Variants in CDH12 observed in about 807,000 individuals in gnomAD.
The protein encoded by CDH12 is cadherin 12.
CDH12 carries 41 observed loss-of-function variants against 74.1 expected under a neutral mutation model. The ratio of observed to expected loss-of-function variants is 0.55; its 90% confidence interval spans 0.43 to 0.72. CDH12 has a LOEUF of 0.72. Ranked by LOEUF, CDH12 falls within the 30% of genes least tolerant of loss-of-function variation. CDH12 has a pLI of 0.00. For missense variants in CDH12, 945 were observed against 977.2 expected (o/e 0.97, Z 0.44); for synonymous variants, 399 against 355.0 (o/e 1.12, Z -1.39).
chr5:21,944,636 G>T (rs1417779826), intron 6 of CDH12, among the ~76,000 whole-genome samples: 5 of 152,236 alleles, frequency 3.3e-5, no homozygotes, highest in Admixed American at 2.6e-4. Flanking sequence ...TTATAATAGG[G>T]TCTTTAATGA....
intron 5 of CDH12, among the ~76,000 whole-genome samples, chr5:22,020,356 C>T (rs1300902077): frequency 1.3e-5 from 2 of 151,956 alleles, no homozygotes; most frequent in African/African-American, 4.8e-5. Context: ...GAGTTCAAGA[C>T]CAGCCTGGCT....
At position 22,612,658 on chromosome 5, in the gene CDH12, G is replaced by C. The variant is rs150751813; in HGVS notation, c.-522-107294C>G. Among the ~76,000 whole-genome samples, 223 of 152,094 alleles carry C rather than the reference G, an allele frequency of 1.5e-3. 1 individual carries two copies. Among genetic ancestry groups the C allele is most frequent in the Non-Finnish European group, 2.4e-3 (163 of 67,954 alleles). On this transcript the variant is annotated intron_variant, in intron 1 of 14. Transcript: ENST00000382254. The stretch of plus-strand genomic sequence containing the variant: ...GAATGTCAATGTGATGCATCATTTG[G>C]TATTTAAATTGACAGTTAACTCAGT...
At chr5:22,227,462 A>AT (rs1339648815) in intron 3 of CDH12, among the ~76,000 whole-genome samples, 3 of 152,054 alleles carry the variant, frequency 2.0e-5, no homozygotes, top group African/African-American at 7.2e-5. Flanking sequence ...AATTTGTTTG[A>AT]TTTTTTCAGG....
intron 4 of CDH12, among the ~76,000 whole-genome samples, chr5:22,211,036 C>T (rs1235518691): frequency 6.6e-6 from 1 of 152,158 alleles, no homozygotes; most frequent in Non-Finnish European, 1.5e-5. Flanking sequence ...CCTTTGGGAA[C>T]CTTGAAAATA....
At chr5:22,029,564 T>TACCA (rs1302883371) in intron 5 of CDH12, among the ~76,000 whole-genome samples, 3 of 152,034 alleles carry the variant, frequency 2.0e-5, no homozygotes, top group Non-Finnish European at 4.4e-5. Flanking sequence ...CACAATGAGA[T>TACCA]ACCATCTCAC....
intron 5 of CDH12, among the ~76,000 whole-genome samples, chr5:22,060,572 T>G (rs1009806723): frequency 1.3e-5 from 2 of 152,070 alleles, no homozygotes; most frequent in Non-Finnish European, 2.9e-5. Context: ...AGGAAGATAT[T>G]TAAATGATTT....
At position 21,909,498 on chromosome 5, in the gene CDH12, C is replaced by T. The variant is rs564009278; in HGVS notation, c.527-54708G>A. On this transcript the variant is annotated intron_variant, in intron 6 of 14. Coordinates refer to ENST00000382254, the MANE Select transcript of CDH12 (RefSeq NM_004061.5). ...AAATGTAACGAGTTGTCACATATTA[C>T]AATTAGGATTAAAAAAATGAATAGG... 3.7e-4 allele frequency among the ~76,000 whole-genome samples: 57 copies of T among 152,144 alleles called. 1 individual carries two copies. The East Asian group carries it at 8.1e-3, about 22-fold the overall frequency.
chr5:22,774,491 G>T (rs548468046), intron 1 of CDH12, among the ~76,000 whole-genome samples: 1 of 152,160 alleles, frequency 6.6e-6, no homozygotes, highest in Non-Finnish European at 1.5e-5. Flanking sequence ...CATGTGTTGT[G>T]GGAGGGACCC....
intron 4 of CDH12, among the ~76,000 whole-genome samples, chr5:22,189,274 A>T (rs1212537217): frequency 3.3e-5 from 5 of 152,212 alleles, no homozygotes; most frequent in African/African-American, 1.2e-4. Flanking sequence ...TTAAATTTCT[A>T]ATCAGTTTTG....
intron 1 of CDH12, among the ~76,000 whole-genome samples, chr5:22,724,144 T>C (rs1744038957): frequency 6.6e-6 from 1 of 151,924 alleles, no homozygotes; most frequent in Admixed American, 6.6e-5. Flanking sequence ...GAGTTTAGAA[T>C]TATCTATCAT....
intron 1 of CDH12, among the ~76,000 whole-genome samples, chr5:22,702,894 A>C (rs1019370181): frequency 6.6e-6 from 1 of 152,062 alleles, no homozygotes; most frequent in African/African-American, 2.4e-5. Context: ...TTTTTACAAT[A>C]GTTACATTTT....
chr5:22,664,590 C>T (rs1159406063), intron 1 of CDH12, among the ~76,000 whole-genome samples: 2 of 152,150 alleles, frequency 1.3e-5, no homozygotes, highest in Admixed American at 1.3e-4. Context: ...CAAAGCCTAA[C>T]TATATCAAAT....
At chr5:22,056,711 C>G (rs1288891273) in intron 5 of CDH12, among the ~76,000 whole-genome samples, 1 of 152,134 alleles carries the variant, frequency 6.6e-6, no homozygotes, top group Non-Finnish European at 1.5e-5. Context: ...GAAGGTAGTA[C>G]AGCAACGTTA....
intron 4 of CDH12, among the ~76,000 whole-genome samples, chr5:22,122,186 T>C (rs947234427): frequency 6.6e-6 from 1 of 152,166 alleles, no homozygotes; most frequent in African/African-American, 2.4e-5. Context: ...GTGAATCACC[T>C]GAGGTCAGGA....
At position 22,575,446 on chromosome 5, in the gene CDH12, G is replaced by A. The variant is rs564463264; in HGVS notation, c.-522-70082C>T. The stretch of plus-strand genomic sequence containing the variant: ...CTTACTCTATCACCCAAGCTGGAGG[G>A]CAGTGGTGTGACCATGGCTCTCTGC... On this transcript the variant is annotated intron_variant, in intron 1 of 14. Coordinates refer to ENST00000382254, the MANE Select transcript of CDH12 (RefSeq NM_004061.5). Among the ~76,000 whole-genome samples the A allele has an allele frequency of 2.8e-4, 42 of 152,090 alleles. No homozygotes were observed. In the South Asian group the frequency reaches 8.7e-3, roughly 32 times the overall value.
intron 2 of CDH12, among the ~76,000 whole-genome samples, chr5:22,425,526 T>C (rs1203232957): frequency 6.6e-6 from 1 of 152,000 alleles, no homozygotes; most frequent in Non-Finnish European, 1.5e-5. Context: ...ACACTTATAA[T>C]ATGAAATATG....
intron 2 of CDH12, among the ~76,000 whole-genome samples, chr5:22,484,874 A>G (rs1215209994): frequency 6.6e-6 from 1 of 152,168 alleles, no homozygotes; most frequent in Non-Finnish European, 1.5e-5. Flanking sequence ...TAGTAGAACA[A>G]TAACAACATA....
intron 1 of CDH12, among the ~76,000 whole-genome samples, chr5:22,741,928 C>T (rs1396199920): frequency 6.6e-6 from 1 of 152,156 alleles, no homozygotes; most frequent in East Asian, 1.9e-4. Context: ...TGCCTGTAAT[C>T]CCAGCACTTT....
intron 3 of CDH12, among the ~76,000 whole-genome samples, chr5:22,244,378 C>A (rs1752844167): frequency 6.7e-6 from 1 of 150,320 alleles, no homozygotes. Context: ...ACCTGTAGTC[C>A]CAGCTACTAG....
Sources: gnomAD v4.1 joint callset for allele counts (sites outside exome capture counted in the v4.1 genomes callset) on GRCh38, gnomAD v4.1.1 for gene constraint, MANE v1.5 for transcripts, NCBI Gene and HGNC (gene_info 2026-07-23, HGNC 2026-07-21) for gene names.